CWC27: variants seen among roughly 807,000 people sequenced by gnomAD.
The protein encoded by CWC27 is CWC27 spliceosome associated cyclophilin.
CWC27 carries 47 observed loss-of-function variants against 63.6 expected under a neutral mutation model. The ratio of observed to expected loss-of-function variants is 0.74; its 90% CI spans 0.58 to 0.94. The LOEUF is 0.94. Ranked by LOEUF, CWC27 falls within the 40% of genes least tolerant of loss-of-function variation. CWC27 has a pLI of 0.00. For missense variants in CWC27, 495 were observed against 554.3 expected (o/e 0.89, Z 1.07); for synonymous variants, 175 against 179.8 (o/e 0.97, Z 0.22).
intron 11 of CWC27, among the ~76,000 whole-genome samples, chr5:64,889,481 T>C (rs1440358654): frequency 6.6e-6 from 1 of 152,216 alleles, no homozygotes; most frequent in Non-Finnish European, 1.5e-5. Context: ...TGACCCAATT[T>C]TGGGTGAAGC....
chr5:64,879,738 G>A (rs545451274), intron 10 of CWC27, among the ~76,000 whole-genome samples: 75 of 151,786 alleles, frequency 4.9e-4, no homozygotes, highest in African/African-American at 1.7e-3. Context: ...GTATTAAAAT[G>A]GGTGGATAGT....
chr5:64,868,939 A>T (rs1746600153), intron 10 of CWC27, among the ~76,000 whole-genome samples: 1 of 151,878 alleles, frequency 6.6e-6, no homozygotes, highest in South Asian at 2.1e-4. Context: ...TCAATTTCCC[A>T]CTTGTAAAAA....
At chr5:64,926,813 T>C (rs1259537751) in intron 11 of CWC27, among the ~76,000 whole-genome samples, 1 of 152,198 alleles carries the variant, frequency 6.6e-6, no homozygotes, top group African/African-American at 2.4e-5. Context: ...GGTGGGTTCC[T>C]TTAGTTTGCC....
intron 10 of CWC27, among the ~76,000 whole-genome samples, chr5:64,839,352 G>C (rs908661659): frequency 8.5e-5 from 13 of 152,182 alleles, no homozygotes; most frequent in African/African-American, 3.1e-4. Context: ...GTATACAGAA[G>C]TATGTAATGG....
intron 11 of CWC27, among the ~76,000 whole-genome samples, chr5:64,969,570 A>C (rs913140496): frequency 1.3e-5 from 2 of 152,014 alleles, no homozygotes; most frequent in African/African-American, 4.8e-5. Flanking sequence ...CATTTATTTG[A>C]CTATTTATTG....
chr5:64,927,261 T>C (rs781363223), intron 11 of CWC27, among the ~76,000 whole-genome samples: 13 of 152,208 alleles, frequency 8.5e-5, no homozygotes, highest in Non-Finnish European at 1.6e-4. Context: ...AATTTTAACT[T>C]AGATAAGTAT....
chr5:64,832,917 A>G (rs1462003532), intron 10 of CWC27, among the ~76,000 whole-genome samples: 2 of 151,814 alleles, frequency 1.3e-5, no homozygotes, highest in Non-Finnish European at 3.0e-5. Flanking sequence ...TGAACTGCTT[A>G]TATAGTGGCT....
rs10065521 is a variant in CWC27 at position 64,814,077 on chromosome 5, C to T, written c.938+9691C>T. 9.7e-3 allele frequency among the ~76,000 whole-genome samples: 1,394 copies of T among 143,042 alleles called. 27 individuals carry two copies. Among genetic ancestry groups the T allele is most frequent in the African/African-American group, 0.035 (1,338 of 38,008 alleles). The allele number at this position is 143,042 out of a possible 152,430, so 93.8% of individuals were successfully genotyped here. On this transcript the variant is annotated intron_variant, in intron 10 of 13. Transcript: ENST00000381070. ...TTAAAACATTATGAGATTTTTTTTG[C>T]GATTTTTTTTTTTTTTAGGTCATCA...
At chr5:64,863,086 C>T (rs974624460) in intron 10 of CWC27, among the ~76,000 whole-genome samples, 1 of 152,130 alleles carries the variant, frequency 6.6e-6, no homozygotes, top group Admixed American at 6.5e-5. Flanking sequence ...GTATCTCCTA[C>T]CCTTTTAATT....
At chr5:64,901,711 A>G (rs995328803) in intron 11 of CWC27, among the ~76,000 whole-genome samples, 5 of 152,168 alleles carry the variant, frequency 3.3e-5, no homozygotes, top group Non-Finnish European at 5.9e-5. Flanking sequence ...TACTTTATGA[A>G]CTTTTTAATT....
At chr5:64,843,499 A>G (rs1745897838) in intron 10 of CWC27, among the ~76,000 whole-genome samples, 1 of 152,204 alleles carries the variant, frequency 6.6e-6, no homozygotes, top group South Asian at 2.1e-4. Context: ...TTTAGTCTCA[A>G]ACAAATTCCA....
chr5:64,911,137 A>C (rs1580721617), intron 11 of CWC27, among the ~76,000 whole-genome samples: 1 of 152,268 alleles, frequency 6.6e-6, no homozygotes, highest in South Asian at 2.1e-4. Context: ...CTGATCTGCA[A>C]ACTTGAGGAT....
At chr5:64,814,216 C>T (rs1744965725) in intron 10 of CWC27, among the ~76,000 whole-genome samples, 1 of 151,996 alleles carries the variant, frequency 6.6e-6, no homozygotes, top group South Asian at 2.1e-4. Context: ...AGGGGCTTTA[C>T]TACCCTTTGG....
At chr5:64,990,267 T>TTTTTTTTTTTTTTTTTG in intron 13 of CWC27, among the ~76,000 whole-genome samples, 1 of 18,730 alleles carries the variant, frequency 5.3e-5, no homozygotes, top group Admixed American at 9.3e-4. Flanking sequence ...TTTTTTTTTG[T>TTTTTTTTTTTTTTTTTG]TTTTTTTTTT....
chr5:64,911,733 G>A (rs1294962121), intron 11 of CWC27, among the ~76,000 whole-genome samples: 3 of 152,070 alleles, frequency 2.0e-5, no homozygotes, highest in Admixed American at 6.6e-5. Context: ...ATCTCACTTT[G>A]GGTCTGGCTA....
chr5:64,959,424 T>C (rs566114845), intron 11 of CWC27, among the ~76,000 whole-genome samples: 32 of 152,284 alleles, frequency 2.1e-4, no homozygotes, highest in Non-Finnish European at 4.3e-4. Flanking sequence ...TGGATTTTCT[T>C]AATAAAGCAA....
At chr5:64,841,490 C>T (rs1745834305) in intron 10 of CWC27, among the ~76,000 whole-genome samples, 2 of 152,170 alleles carry the variant, frequency 1.3e-5, no homozygotes, top group African/African-American at 4.8e-5. Context: ...TGAATATACC[C>T]TTACCCACCT....
intron 12 of CWC27, 68 bp downstream of exon 12, chr5:64,971,880 G>T (rs1351313896): frequency 1.1e-6 from 1 of 946,640 alleles, no homozygotes; most frequent in Non-Finnish European, 1.6e-6. Flanking sequence ...GTTTCTAAAT[G>T]GAGCCTAATT....
At chr5:64,956,023 A>G (rs929776010) in intron 11 of CWC27, among the ~76,000 whole-genome samples, 1 of 152,094 alleles carries the variant, frequency 6.6e-6, no homozygotes, top group African/African-American at 2.4e-5. Context: ...GGAAACTTGA[A>G]ATTTTACTGC....
Sources: gnomAD v4.1 joint callset for allele counts (sites outside exome capture counted in the v4.1 genomes callset) on GRCh38, gnomAD v4.1.1 for gene constraint, MANE v1.5 for transcripts, NCBI Gene and HGNC (gene_info 2026-07-23, HGNC 2026-07-21) for gene names.